SLC39A11: variants seen among roughly 807,000 people sequenced by gnomAD.
SLC39A11 encodes the protein zinc transporter ZIP11.
SLC39A11 carries 33 observed loss-of-function variants against 36.1 expected under a neutral mutation model. That is an observed-to-expected ratio of 0.91 (90% CI 0.69 to 1.22). SLC39A11 has a LOEUF of 1.22. Ranked by LOEUF, SLC39A11 falls within the 50% of genes most tolerant of loss-of-function variation. The pLI is 0.00. For synonymous variants in SLC39A11, 166 were observed against 170.3 expected (o/e 0.97, Z 0.20); for missense variants, 432 against 430.3 (o/e 1.00, Z -0.03).
intron 4 of SLC39A11, among the ~76,000 whole-genome samples, chr17:72,954,729 G>A (rs2086123134): frequency 2.0e-5 from 3 of 152,182 alleles, no homozygotes; most frequent in African/African-American, 4.8e-5. Context: ...TCAGAATATG[G>A]ATGGTGCTTA....
Position 73,084,836 on chromosome 17 carries a change from A to C in SLC39A11, c.119T>G (p.Leu40Ter), listed in dbSNP as rs764294831. 4 of 1,614,118 alleles carry C rather than the reference A, an allele frequency of 2.5e-6. No individual in the cohort carries two copies. Among genetic ancestry groups the C allele is most frequent in the Non-Finnish European group, 2.5e-6 (3 of 1,179,992 alleles). Reference protein sequence around the residue: ...FVFSSGQRRILDGSLGFAAGV... With the variant: ...FVFSSGQRRI ...TGCAGCAAAGCCAAGACTTCCATCT[A>C]AGATCCGCCTCTGAAAATCAAAACA... The change falls in exon 3 of 10, where the codon TTA (leucine) becomes TGA (stop). Residue 40 changes from leucine (L) to a stop codon, truncating the protein, a stop_gained. Transcript: ENST00000255559. LOFTEE classifies it high-confidence loss of function.
intron 4 of SLC39A11, among the ~76,000 whole-genome samples, chr17:73,023,380 G>A (rs2058421437): frequency 1.3e-5 from 2 of 152,222 alleles, no homozygotes; most frequent in African/African-American, 4.8e-5. Flanking sequence ...CAGGTGCCAT[G>A]GTTAATGCCT....
chr17:72,732,321 T>C (rs1012010865), intron 7 of SLC39A11, among the ~76,000 whole-genome samples: 1 of 152,156 alleles, frequency 6.6e-6, no homozygotes, highest in Non-Finnish European at 1.5e-5. Context: ...GCCATGTGCA[T>C]TACTTTTAAC....
chr17:73,022,365 C>T (rs1367847571), intron 4 of SLC39A11, among the ~76,000 whole-genome samples: 9 of 152,126 alleles, frequency 5.9e-5, no homozygotes, highest in South Asian at 2.1e-4. Flanking sequence ...GGGGCCAAGG[C>T]GGGCAAATCA....
rs145907336 is a variant in SLC39A11, at chr17:72,851,421, T to A, written c.431-1617A>T. 2.6e-4 allele frequency among the ~76,000 whole-genome samples: 39 copies of A among 152,188 alleles called. 1 individual carries two copies. The East Asian group carries it at 7.5e-3, about 29-fold the overall frequency. On this transcript the variant is annotated intron_variant, in intron 5 of 9. Coordinates refer to ENST00000255559, the MANE Select transcript of SLC39A11 (RefSeq NM_139177.4). ...CTAGAGGAGATAGGTCTTGAGTGAATCTTAAACACGTGATGGCACAGACAG... is the reference window on the plus strand; with the variant it reads ...CTAGAGGAGATAGGTCTTGAGTGAAACTTAAACACGTGATGGCACAGACAG...
In SLC39A11 at chr17:72,695,865, C is replaced by T. The variant is rs1160633754; in HGVS notation, c.671+40785G>A. The stretch of plus-strand genomic sequence containing the variant: ...TGGAAAGCAGCAAGGAAGGGTCCTC[C>T]TTCCAGAGCCTGCAGAGAGCACAGC... On this transcript the variant is annotated intron_variant, in intron 7 of 9. Transcript: ENST00000255559. Among the ~76,000 whole-genome samples the T allele has an allele frequency of 2.6e-5, 4 of 152,176 alleles. No homozygotes were observed. In the East Asian group the frequency reaches 7.7e-4, roughly 29 times the overall value.
intron 3 of SLC39A11, among the ~76,000 whole-genome samples, chr17:73,078,293 G>A (rs1419857695): frequency 6.6e-6 from 1 of 150,890 alleles, no homozygotes; most frequent in Non-Finnish European, 1.5e-5. Context: ...TCACTCATTT[G>A]TAAGTTGACA....
At chr17:72,901,690 A>G (rs2082401042) in intron 5 of SLC39A11, among the ~76,000 whole-genome samples, 1 of 152,234 alleles carries the variant, frequency 6.6e-6, no homozygotes, top group Non-Finnish European at 1.5e-5. Context: ...CCTAACACCC[A>G]TTAAGCTTTT....
At chr17:73,012,335 G>A (rs148182584) in intron 4 of SLC39A11, among the ~76,000 whole-genome samples, 1 of 152,146 alleles carries the variant, frequency 6.6e-6, no homozygotes, top group East Asian at 1.9e-4. Context: ...GAGGATAAAC[G>A]CTTGAGGGAA....
At chr17:73,084,896 GTT>G (rs1568250101) in intron 2 of SLC39A11, 50 bp from the exon 3 acceptor site, 1 of 1,593,966 alleles carries the variant, frequency 6.3e-7, no homozygotes, top group East Asian at 2.2e-5. Flanking sequence ...ATAAGATGAT[GTT>G]TCCTGGGACA....
intron 3 of SLC39A11, among the ~76,000 whole-genome samples, chr17:73,081,735 A>ATATATATACACATATATG (rs1568243543): frequency 8.4e-6 from 1 of 119,490 alleles, no homozygotes; most frequent in Non-Finnish European, 1.8e-5. Context: ...ATATGTATGT[A>ATATATATACACATATATG]TATATATATA....
At chr17:72,711,857 C>G (rs1199134487) in intron 7 of SLC39A11, among the ~76,000 whole-genome samples, 1 of 152,038 alleles carries the variant, frequency 6.6e-6, no homozygotes, top group Non-Finnish European at 1.5e-5. Flanking sequence ...AAAATTCTAA[C>G]GAAAGACATG....
At position 72,715,943 on chromosome 17, in the gene SLC39A11, C is replaced by T. The variant is rs112179941; in HGVS notation, c.671+20707G>A. Among the ~76,000 whole-genome samples the T allele has an allele frequency of 6.2e-3, 937 of 152,238 alleles. 3 individuals carry two copies. Among genetic ancestry groups the T allele is most frequent in the Admixed American group, 9.7e-3 (149 of 15,292 alleles). On this transcript the variant is annotated intron_variant, in intron 7 of 9. Transcript: ENST00000255559. ...AACTCTTGACTTCAAGTGATCCGCCCGCTTCAGCCTCCCAAAGTGTTGGGA... is the reference window on the plus strand; with the variant it reads ...AACTCTTGACTTCAAGTGATCCGCCTGCTTCAGCCTCCCAAAGTGTTGGGA...
intron 6 of SLC39A11, among the ~76,000 whole-genome samples, chr17:72,769,354 G>A (rs1163674097): frequency 6.6e-6 from 1 of 152,104 alleles, no homozygotes; most frequent in Non-Finnish European, 1.5e-5. Context: ...ACATACAATA[G>A]AACATTATTC....
chr17:72,925,361 G>T (rs2083980716), intron 5 of SLC39A11, among the ~76,000 whole-genome samples: 1 of 152,146 alleles, frequency 6.6e-6, no homozygotes, highest in Admixed American at 6.5e-5. Context: ...ATGAATTTAT[G>T]TCGTATATAA....
chr17:72,724,028 A>G (rs2143648625), intron 7 of SLC39A11, among the ~76,000 whole-genome samples: 1 of 152,340 alleles, frequency 6.6e-6, no homozygotes, highest in South Asian at 2.1e-4. Flanking sequence ...GAAAAATCTT[A>G]GACGTGCAAC....
At chr17:72,850,284 AC>A (rs2079245870) in intron 5 of SLC39A11, among the ~76,000 whole-genome samples, 1 of 151,748 alleles carries the variant, frequency 6.6e-6, no homozygotes, top group East Asian at 2.0e-4. Flanking sequence ...TCCCATCTCT[AC>A]AAAAAATAAA....
chr17:72,954,906 G>T (rs60937494), intron 4 of SLC39A11, among the ~76,000 whole-genome samples: 6,451 of 152,182 alleles, frequency 0.042, 483 homozygotes, highest in African/African-American at 0.14. Flanking sequence ...GCAGGTCACC[G>T]CTGTCTTCTT....
At chr17:73,049,813 G>T (rs2059434369) in intron 3 of SLC39A11, among the ~76,000 whole-genome samples, 2 of 152,056 alleles carry the variant, frequency 1.3e-5, no homozygotes, top group African/African-American at 4.8e-5. Flanking sequence ...AAGAGAACGA[G>T]GAATGACATG....
Sources: gnomAD v4.1 joint callset for allele counts (sites outside exome capture counted in the v4.1 genomes callset) on GRCh38, gnomAD v4.1.1 for gene constraint, MANE v1.5 for transcripts, NCBI Gene and HGNC (gene_info 2026-07-23, HGNC 2026-07-21) for gene names.